The following PTPRT variants were observed in gnomAD, a reference collection of about 807,000 sequenced individuals.
PTPRT encodes receptor-type tyrosine-protein phosphatase T.
PTPRT carries 56 observed loss-of-function variants against 176.8 expected under a neutral mutation model. The ratio of observed to expected loss-of-function variants is 0.32; its 90% CI spans 0.26 to 0.40. PTPRT has a LOEUF of 0.40. Among genes scored for constraint, PTPRT ranks in the 10% least tolerant of loss-of-function variants. The probability of loss-of-function intolerance (pLI) is 1.00; values close to 1 mark genes in which losing one functional copy is unlikely to be tolerated. For synonymous variants in PTPRT, 783 were observed against 739.0 expected (o/e 1.06, Z -0.96); for missense variants, 1,540 against 1,908.2 (o/e 0.81, Z 3.60).
intron 2 of PTPRT, among the ~76,000 whole-genome samples, chr20:42,870,130 G>A (rs1568648381): frequency 6.6e-6 from 1 of 152,064 alleles, no homozygotes; most frequent in South Asian, 2.1e-4. Context: ...TAGCATGAAT[G>A]GTCTAAGACA....
At chr20:43,184,416 C>T (rs772718369) in intron 1 of PTPRT, among the ~76,000 whole-genome samples, 4 of 152,078 alleles carry the variant, frequency 2.6e-5, no homozygotes, top group African/African-American at 4.8e-5. Context: ...GGGCCGGGTG[C>T]GGTGGCTCAC....
rs575948158 is a variant in PTPRT at position 42,857,758 on chromosome 20, A to G, written c.214+28049T>C. Among the ~76,000 whole-genome samples, 4 of 152,278 alleles carry G rather than the reference A, an allele frequency of 2.6e-5. No individual in the cohort carries two copies. The East Asian group carries it at 7.7e-4, about 29-fold the overall frequency. On this transcript the variant is annotated intron_variant, in intron 2 of 30. Transcript: ENST00000373187. ...TCATCCAACATCGTACTTATTCACA[A>G]ACATGCTTAGATGAGCTCTGAACCT...
chr20:43,179,914 C>G (rs2015208805), intron 1 of PTPRT, among the ~76,000 whole-genome samples: 1 of 152,172 alleles, frequency 6.6e-6, no homozygotes, highest in African/African-American at 2.4e-5. Flanking sequence ...ATGGTTAATC[C>G]TATGTGTCAA....
At chr20:42,408,325 A>T (rs1360217020) in intron 9 of PTPRT, among the ~76,000 whole-genome samples, 1 of 152,274 alleles carries the variant, frequency 6.6e-6, no homozygotes, top group African/African-American at 2.4e-5. Context: ...GAAGAGATTC[A>T]ATTTTATATG....
chr20:42,812,449 G>A (rs6030485), intron 2 of PTPRT, among the ~76,000 whole-genome samples: 3,595 of 151,972 alleles, frequency 0.024, 134 homozygotes, highest in African/African-American at 0.077. Flanking sequence ...ATGAATTTGC[G>A]TACTCTAGAT....
chr20:43,084,034 T>G (rs1250723739), intron 1 of PTPRT, among the ~76,000 whole-genome samples: 1 of 152,248 alleles, frequency 6.6e-6, no homozygotes, highest in African/African-American at 2.4e-5. Context: ...CTTATCCATT[T>G]GCCAGCTGAT....
chr20:42,275,592 C>T (rs995329295), intron 13 of PTPRT, among the ~76,000 whole-genome samples: 4 of 151,680 alleles, frequency 2.6e-5, no homozygotes, highest in East Asian at 1.9e-4. Flanking sequence ...GTGTGTGTGG[C>T]GGGGGAAGTT....
intron 1 of PTPRT, among the ~76,000 whole-genome samples, chr20:43,125,533 A>T (rs114862288): frequency 0.013 from 1,979 of 152,336 alleles, 45 homozygotes; most frequent in African/African-American, 0.045. Flanking sequence ...TAGCATCTAT[A>T]AGCATCCAAC....
intron 1 of PTPRT, among the ~76,000 whole-genome samples, chr20:43,123,226 A>G (rs2096076): frequency 0.91 from 139,144 of 152,202 alleles, 64,975 homozygotes; most frequent in East Asian, 1. Flanking sequence ...TTTAAACAAG[A>G]GGTGGATAAA....
At chr20:43,148,150 C>A (rs1029445141) in intron 1 of PTPRT, among the ~76,000 whole-genome samples, 5 of 152,162 alleles carry the variant, frequency 3.3e-5, no homozygotes, top group Admixed American at 3.3e-4. Flanking sequence ...TTAACCTCAT[C>A]TTGGCCACAC....
chr20:43,090,140 G>A (rs1417859193), intron 1 of PTPRT, among the ~76,000 whole-genome samples: 1 of 152,108 alleles, frequency 6.6e-6, no homozygotes, highest in Non-Finnish European at 1.5e-5. Flanking sequence ...GAAGTAAGCT[G>A]AACCCATAAA....
intron 2 of PTPRT, among the ~76,000 whole-genome samples, chr20:42,794,340 C>T (rs924170981): frequency 6.6e-6 from 1 of 152,180 alleles, no homozygotes; most frequent in Non-Finnish European, 1.5e-5. Context: ...ATGATCTTGC[C>T]TCTCAAAGAC....
the PTPRT span, among the ~76,000 whole-genome samples, chr20:42,054,379 T>G: frequency 6.6e-6 from 1 of 152,194 alleles, no homozygotes; most frequent in Non-Finnish European, 1.5e-5. Flanking sequence ...TAAGTAGATA[T>G]TTTGCACTTT....
At chr20:42,262,054 A>G (rs566244440) in intron 13 of PTPRT, among the ~76,000 whole-genome samples, 5 of 152,360 alleles carry the variant, frequency 3.3e-5, no homozygotes, top group Admixed American at 3.3e-4. Context: ...AGATTAGTGC[A>G]ACTAACCCGT....
chr20:42,365,569 G>A (rs1472113474), intron 9 of PTPRT, among the ~76,000 whole-genome samples: 1 of 151,816 alleles, frequency 6.6e-6, no homozygotes, highest in Non-Finnish European at 1.5e-5. Flanking sequence ...GGGGTGTCCG[G>A]TCTTTTGGAT....
At chr20:42,828,346 T>C (rs2078031378) in intron 2 of PTPRT, among the ~76,000 whole-genome samples, 1 of 152,150 alleles carries the variant, frequency 6.6e-6, no homozygotes, top group South Asian at 2.1e-4. Context: ...AATTTCTAAG[T>C]GGCAAAGCAT....
chr20:43,140,338 A>G (rs1443774694), intron 1 of PTPRT, among the ~76,000 whole-genome samples: 1 of 152,154 alleles, frequency 6.6e-6, no homozygotes, highest in African/African-American at 2.4e-5. Context: ...TAAACATCCC[A>G]GTACATACAT....
At chr20:42,896,567 G>A (rs562936260) in intron 1 of PTPRT, among the ~76,000 whole-genome samples, 2 of 151,440 alleles carry the variant, frequency 1.3e-5, no homozygotes, top group South Asian at 2.1e-4. Context: ...CCTGGGAGGC[G>A]GAGGTTGTGG....
At chr20:43,132,991 A>C (rs2013695475) in intron 1 of PTPRT, among the ~76,000 whole-genome samples, 1 of 152,216 alleles carries the variant, frequency 6.6e-6, no homozygotes, top group South Asian at 2.1e-4. Context: ...CAAGTTGAGA[A>C]ACCAATAACT....
Sources: gnomAD v4.1 joint callset for allele counts (sites outside exome capture counted in the v4.1 genomes callset) on GRCh38, gnomAD v4.1.1 for gene constraint, MANE v1.5 for transcripts, NCBI Gene and HGNC (gene_info 2026-07-23, HGNC 2026-07-21) for gene names.